Variants in CTNNA3 observed in about 807,000 individuals in gnomAD.
CTNNA3 encodes catenin alpha-3.
CTNNA3 carries 76 observed loss-of-function variants against 95.7 expected under a neutral mutation model. The ratio of observed to expected loss-of-function variants is 0.79; its 90% CI spans 0.66 to 0.96. The LOEUF (loss-of-function observed/expected upper bound fraction) is 0.96. Among genes scored for constraint, CTNNA3 ranks in the 40% least tolerant of loss-of-function variants. CTNNA3 has a pLI of 0.00. For synonymous variants in CTNNA3, 431 were observed against 374.4 expected, an observed-to-expected ratio of 1.15 and a Z score of -1.74; for missense variants, 1,191 against 1,089.8, an observed-to-expected ratio of 1.09 and a Z score of -1.31.
chr10:66,012,863 T>C (rs912205935), intron 15 of CTNNA3, among the ~76,000 whole-genome samples: 3 of 152,212 alleles, frequency 2.0e-5, no homozygotes, highest in African/African-American at 7.2e-5. Context: ...GCTGAATTCC[T>C]CAAATTGGTC....
At chr10:66,958,016 C>T (rs1353904069) in intron 7 of CTNNA3, among the ~76,000 whole-genome samples, 1 of 151,940 alleles carries the variant, frequency 6.6e-6, no homozygotes, top group African/African-American at 2.4e-5. Flanking sequence ...AGGAAGGGTA[C>T]ATAGAACTAG....
At chr10:66,633,491 T>C (rs184089200) in intron 9 of CTNNA3, among the ~76,000 whole-genome samples, 1,606 of 152,034 alleles carry the variant, frequency 0.011, 34 homozygotes, top group African/African-American at 0.036. Flanking sequence ...CCATCCTGGC[T>C]AACATGGTGA....
chr10:67,733,257 T>A (rs573464554), intron 1 of CTNNA3, among the ~76,000 whole-genome samples: 1 of 152,306 alleles, frequency 6.6e-6, no homozygotes, highest in South Asian at 2.1e-4. Flanking sequence ...ATGACCCACA[T>A]AAATTTTCTT....
At chr10:67,153,327 C>T (rs955763739) in intron 7 of CTNNA3, among the ~76,000 whole-genome samples, 3 of 152,172 alleles carry the variant, frequency 2.0e-5, no homozygotes, top group Admixed American at 6.6e-5. Context: ...TCCAGAGATT[C>T]AGATTTAATT....
intron 13 of CTNNA3, among the ~76,000 whole-genome samples, chr10:66,195,090 C>T (rs1262126767): frequency 6.6e-6 from 1 of 151,902 alleles, no homozygotes; most frequent in Non-Finnish European, 1.5e-5. Flanking sequence ...GATGGAATAT[C>T]TAATAAAACT....
intron 5 of CTNNA3, among the ~76,000 whole-genome samples, chr10:67,430,910 C>A (rs555537457): frequency 6.5e-4 from 98 of 150,980 alleles, no homozygotes; most frequent in African/African-American, 2.2e-3. Flanking sequence ...AGAAAATCAC[C>A]TTTTGTCCCC....
intron 7 of CTNNA3, among the ~76,000 whole-genome samples, chr10:66,793,961 A>C (rs552407521): frequency 6.6e-6 from 1 of 152,308 alleles, no homozygotes; most frequent in South Asian, 2.1e-4. Flanking sequence ...TACACAAGCA[A>C]ATTTGGAATT....
At chr10:67,096,667 T>C (rs184857381) in intron 7 of CTNNA3, among the ~76,000 whole-genome samples, 32 of 151,974 alleles carry the variant, frequency 2.1e-4, no homozygotes, top group Admixed American at 9.9e-4. Context: ...TATCTGATTA[T>C]ATTTCAGGCT....
intron 1 of CTNNA3, among the ~76,000 whole-genome samples, chr10:67,741,042 A>T (rs1407184132): frequency 1.3e-5 from 2 of 151,278 alleles, no homozygotes; most frequent in African/African-American, 4.8e-5. Context: ...CATCATTCTC[A>T]GTAAACTATC....
At chr10:67,070,361 T>G (rs1436488752) in intron 7 of CTNNA3, among the ~76,000 whole-genome samples, 1 of 152,218 alleles carries the variant, frequency 6.6e-6, no homozygotes, top group African/African-American at 2.4e-5. Context: ...CTTTTCATTC[T>G]CTTAATGGTA....
At chr10:66,589,868 T>TTTCTTCC (rs1564552611) in intron 10 of CTNNA3, among the ~76,000 whole-genome samples, 10 of 152,078 alleles carry the variant, frequency 6.6e-5, no homozygotes, top group Admixed American at 1.3e-4. Flanking sequence ...GTGGGCTCAG[T>TTTCTTCC]GTACTGTGAT....
intron 10 of CTNNA3, among the ~76,000 whole-genome samples, chr10:66,600,198 G>T (rs908913164): frequency 6.6e-6 from 1 of 151,648 alleles, no homozygotes; most frequent in African/African-American, 2.4e-5. Context: ...CCGATATTCA[G>T]AAAAATGGTT....
intron 5 of CTNNA3, among the ~76,000 whole-genome samples, chr10:67,357,966 G>A (rs1263585483): frequency 6.6e-6 from 1 of 152,016 alleles, no homozygotes; most frequent in Non-Finnish European, 1.5e-5. Context: ...AAAATACAGA[G>A]TCCAGAAATA....
chr10:67,078,680 C>A (rs1856870688), intron 7 of CTNNA3, among the ~76,000 whole-genome samples: 1 of 152,054 alleles, frequency 6.6e-6, no homozygotes, highest in Non-Finnish European at 1.5e-5. Context: ...CCACACCTGG[C>A]TAATTCTTTG....
chr10:66,699,296 AT>A (rs1346784763), intron 9 of CTNNA3, among the ~76,000 whole-genome samples: 9 of 151,954 alleles, frequency 5.9e-5, no homozygotes, highest in Non-Finnish European at 5.9e-5. Flanking sequence ...AGCTCCATAC[AT>A]TTTTTCATAA....
chr10:67,610,348 T>C (rs1353158600), intron 2 of CTNNA3, among the ~76,000 whole-genome samples: 1 of 152,252 alleles, frequency 6.6e-6, no homozygotes, highest in Admixed American at 6.5e-5. Flanking sequence ...CAATTGCAAC[T>C]TGCAAGTTAT....
At position 66,927,434 on chromosome 10, in the gene CTNNA3, C is replaced by A; in HGVS notation, c.1048-151910G>T. 6.2e-7 allele frequency: 1 copy of A among 1,614,140 alleles called. No individual in the cohort carries two copies. Among genetic ancestry groups the A allele is most frequent in the Non-Finnish European group, 8.5e-7 (1 of 1,180,028 alleles). On this transcript the variant is annotated intron_variant, in intron 7 of 17. Transcript: ENST00000433211. The surrounding 1 kb of genome is among the most constrained non-coding windows in gnomAD (Gnocchi z 4.7). ...CGGTCTAACTCCCTGAGAACCATCCCTGTGCGAATATTCCAAGACTGCCGC... is the reference window on the plus strand; with the variant it reads ...CGGTCTAACTCCCTGAGAACCATCCATGTGCGAATATTCCAAGACTGCCGC...
chr10:67,709,491 G>A (rs958373964), intron 1 of CTNNA3, among the ~76,000 whole-genome samples: 24 of 152,072 alleles, frequency 1.6e-4, no homozygotes. Flanking sequence ...TTCCTTGCTT[G>A]ACAAAACTGT....
chr10:66,807,171 G>A (rs906646548), intron 7 of CTNNA3, among the ~76,000 whole-genome samples: 4 of 151,894 alleles, frequency 2.6e-5, no homozygotes, highest in Non-Finnish European at 4.4e-5. Context: ...TTTTGGGTGC[G>A]CACTGTGAAA....
Sources: gnomAD v4.1 joint callset for allele counts (sites outside exome capture counted in the v4.1 genomes callset) on GRCh38, gnomAD v4.1.1 for gene constraint, Gnocchi (gnomAD v3.1) non-coding constraint, MANE v1.5 for transcripts, NCBI Gene and HGNC (gene_info 2026-07-23, HGNC 2026-07-21) for gene names.